Variants in NOL4 observed in about 807,000 individuals in gnomAD.
NOL4 encodes the protein cancer/testis antigen 125.
A neutral mutation model predicts 75.9 loss-of-function variants in NOL4; 17 were observed. The ratio of observed to expected loss-of-function variants is 0.22; its 90% CI spans 0.15 to 0.34. NOL4 has a LOEUF of 0.34. NOL4 is among the 10% of genes least tolerant of loss of function. The pLI is 1.00. For missense variants in NOL4, 614 were observed against 793.5 expected, an observed-to-expected ratio of 0.77 and a Z score of 2.72; for synonymous variants, 292 against 289.9, an observed-to-expected ratio of 1.01 and a Z score of -0.07.
rs2074927292 is a variant in NOL4, at chr18:34,019,683, CAT to C, written c.773-84_773-83del. On this transcript the variant is annotated intron_variant, in intron 5 of 10. Transcript: ENST00000261592. Reference sequence around the variant, plus strand: ...CTTCAACTAGCATTTATTGAGCTCCCATTATATGAATGGCATTTTACATACAA... The same window carrying C: ...CTTCAACTAGCATTTATTGAGCTCCCTATATGAATGGCATTTTACATACAA... The C allele has an allele frequency of 4.0e-6, 5 of 1,252,880 alleles. No individual in the cohort carries two copies. The East Asian group carries it at 1.2e-4, about 31-fold the overall frequency. 77.6% of individuals were successfully genotyped at this position (1,252,880 alleles called of 1,614,324 possible).
Position 33,975,244 on chromosome 18 carries a change from G to A in NOL4, c.1057-16826C>T, listed in dbSNP as rs1029322425. On this transcript the variant is annotated intron_variant, in intron 6 of 10. Transcript: ENST00000261592. ...GATGAAAAGGTTCTGGAGATCTGTC[G>A]CACAACATTGTGAATGTAGTTAACT... 1.9e-4 allele frequency among the ~76,000 whole-genome samples: 29 copies of A among 152,098 alleles called. No homozygotes were observed. In the East Asian group the frequency reaches 2.1e-3, roughly 11 times the overall value.
Position 34,103,988 on chromosome 18 carries a change from T to C in NOL4, c.639+59A>G, listed in dbSNP as rs528140498. On this transcript the variant is annotated intron_variant, in intron 4 of 10. Coordinates refer to ENST00000261592, the MANE Select transcript of NOL4 (RefSeq NM_003787.5). ...GCCATCATGCTTAATATGATAGTCA[T>C]GGTTATCAAGCTTCGTTCCAATTTG... 18 of 1,118,560 alleles carry C rather than the reference T, an allele frequency of 1.6e-5. No homozygotes were observed. In the African/African-American group the frequency reaches 2.2e-4, roughly 13 times the overall value. 69.3% of individuals were successfully genotyped at this position (1,118,560 alleles called of 1,614,324 possible). A position where few individuals can be genotyped will look rare whatever the true frequency, so the allele number is the denominator to read the frequency against.
At chr18:34,105,215 T>A in intron 2 of NOL4, 55 bp from the exon 3 acceptor site, 2 of 1,140,132 alleles carry the variant, frequency 1.8e-6, no homozygotes, top group Non-Finnish European at 2.6e-6. Flanking sequence ...GAGCATGATT[T>A]AACAGAAATG....
chr18:34,101,333 T>C (rs999445152), intron 4 of NOL4, among the ~76,000 whole-genome samples: 1 of 152,152 alleles, frequency 6.6e-6, no homozygotes, highest in African/African-American at 2.4e-5. Context: ...TAATTAGACA[T>C]ATTTTCTTTA....
intron 5 of NOL4, among the ~76,000 whole-genome samples, chr18:34,086,544 A>G (rs2078251472): frequency 6.6e-6 from 1 of 152,164 alleles, no homozygotes; most frequent in Admixed American, 6.5e-5. Context: ...TTTATTAAAA[A>G]CATGTTTTAT....
intron 8 of NOL4, among the ~76,000 whole-genome samples, chr18:33,947,579 C>T (rs1340248777): frequency 6.6e-6 from 1 of 150,794 alleles, no homozygotes; most frequent in Non-Finnish European, 1.5e-5. Context: ...CTCTCTTTCT[C>T]TATCTATATC....
At chr18:34,213,685 C>T (rs905380824) in intron 1 of NOL4, among the ~76,000 whole-genome samples, 3 of 152,140 alleles carry the variant, frequency 2.0e-5, no homozygotes, top group Admixed American at 1.3e-4. Flanking sequence ...CAAAAGGGCT[C>T]CCTTCTATTT....
intron 1 of NOL4, among the ~76,000 whole-genome samples, chr18:34,187,345 C>CTTT (rs2034541804): frequency 8.4e-6 from 1 of 119,648 alleles, no homozygotes. Context: ...TCTTCTATGT[C>CTTT]TTTTCATGGT....
chr18:33,911,800 A>G (rs2145149823), intron 9 of NOL4, among the ~76,000 whole-genome samples: 1 of 152,272 alleles, frequency 6.6e-6, no homozygotes, highest in South Asian at 2.1e-4. Context: ...TAAAAACTGA[A>G]AAAAGGCCTG....
At chr18:34,209,041 T>C (rs1431826421) in intron 1 of NOL4, among the ~76,000 whole-genome samples, 1 of 151,258 alleles carries the variant, frequency 6.6e-6, no homozygotes, top group Non-Finnish European at 1.5e-5. Context: ...GAAACCCCTG[T>C]CTCTATTAAA....
At chr18:34,081,696 A>C (rs1392304460) in intron 5 of NOL4, among the ~76,000 whole-genome samples, 1 of 152,192 alleles carries the variant, frequency 6.6e-6, no homozygotes, top group African/African-American at 2.4e-5. Flanking sequence ...AATAAAGCAC[A>C]GTAAAATGAA....
intron 1 of NOL4, 150 bp downstream of exon 1, chr18:34,222,840 T>C (rs1319183912): frequency 2.0e-6 from 2 of 984,892 alleles, no homozygotes; most frequent in Non-Finnish European, 3.0e-6. Context: ...CTAATGCGAG[T>C]GGGGACGACT....
intron 5 of NOL4, among the ~76,000 whole-genome samples, chr18:34,033,859 T>C (rs2075758931): frequency 6.6e-6 from 1 of 151,678 alleles, no homozygotes; most frequent in Non-Finnish European, 1.5e-5. Context: ...TCAGCAGAAA[T>C]CTTATGGGCC....
At chr18:33,915,239 T>C (rs956936416) in intron 9 of NOL4, among the ~76,000 whole-genome samples, 1 of 152,000 alleles carries the variant, frequency 6.6e-6, no homozygotes, top group African/African-American at 2.4e-5. Flanking sequence ...TTTAAGGGAA[T>C]AACTTTGGTG....
chr18:34,146,023 T>C (rs948339434), intron 1 of NOL4, among the ~76,000 whole-genome samples: 3 of 152,052 alleles, frequency 2.0e-5, no homozygotes, highest in Non-Finnish European at 4.4e-5. Context: ...CCAATCCCCA[T>C]GCGAAAAGAA....
At chr18:34,122,410 A>G (rs1398039306) in intron 2 of NOL4, among the ~76,000 whole-genome samples, 1 of 152,160 alleles carries the variant, frequency 6.6e-6, no homozygotes, top group Non-Finnish European at 1.5e-5. Flanking sequence ...CAAAAAAAGA[A>G]GTAAGCTTTT....
At chr18:34,069,631 T>C (rs2145232348) in intron 5 of NOL4, among the ~76,000 whole-genome samples, 1 of 152,022 alleles carries the variant, frequency 6.6e-6, no homozygotes, top group South Asian at 2.1e-4. Context: ...AATAAAATTT[T>C]AAAAGAAGAG....
chr18:33,978,394 C>T (rs2071676019), intron 6 of NOL4, among the ~76,000 whole-genome samples: 1 of 151,966 alleles, frequency 6.6e-6, no homozygotes, highest in South Asian at 2.1e-4. Context: ...GTGTAGTATT[C>T]CATTAGTCAG....
rs150246104 is a variant in NOL4 at position 34,028,140 on chromosome 18, G to A, written c.773-8539C>T. 3.1e-3 allele frequency among the ~76,000 whole-genome samples: 471 copies of A among 152,262 alleles called. 5 individuals carry two copies. The highest frequency in any genetic ancestry group is 0.011 in the African/African-American group (453 of 41,538). On this transcript the variant is annotated intron_variant, in intron 5 of 10. Transcript: ENST00000261592. ...GATTACTACTAATTAATCAAGAGCT[G>A]GTCATAGTACCCCCCCAACCCCATT... is the stretch of plus-strand genomic sequence containing the variant.
Sources: allele counts gnomAD v4.1 joint callset (sites outside exome capture counted in the v4.1 genomes callset), GRCh38; gene constraint gnomAD v4.1.1; transcripts MANE v1.5; gene names NCBI Gene and HGNC (gene_info 2026-07-23, HGNC 2026-07-21).